The following COL11A2 variants were observed in gnomAD, a reference collection of about 807,000 sequenced individuals.
COL11A2 encodes the protein collagen alpha-2(XI) chain.
In COL11A2, 116 loss-of-function variants were observed where a neutral mutation model predicts 273.4. That is an observed-to-expected ratio of 0.42 (90% CI 0.36 to 0.49). The LOEUF is 0.49. Ranked by LOEUF, COL11A2 falls within the 20% of genes least tolerant of loss-of-function variation. COL11A2 has a pLI of 0.00. For synonymous variants in COL11A2, 782 were observed against 864.2 expected, an observed-to-expected ratio of 0.90 and a Z score of 1.67; for missense variants, 1,866 against 2,309.0, an observed-to-expected ratio of 0.81 and a Z score of 3.93.
At chr6:33,186,327 C>A in intron 5 of COL11A2, 1 of 1,266,478 alleles carries the variant, frequency 7.9e-7, no homozygotes, top group Non-Finnish European at 1.0e-6. Flanking sequence ...AGCTCTCACC[C>A]CTCTCCCACT....
chr6:33,184,458 A>ATGGCTATTCTTGGG, intron 7 of COL11A2, 134 bp from the exon 8 acceptor site: 2 of 567,368 alleles, frequency 3.5e-6, no homozygotes, highest in African/African-American at 2.0e-5. Context: ...TTTTTCTCCC[A>ATGGCTATTCTTGGG]AGAATAGCCA....
intron 1 of COL11A2, among the ~76,000 whole-genome samples, chr6:33,191,302 G>C (rs1444634416): frequency 6.6e-6 from 1 of 152,216 alleles, no homozygotes; most frequent in African/African-American, 2.4e-5. Flanking sequence ...AAGCAGAGAA[G>C]AATTGAATAG....
chr6:33,166,234 G>C lies in COL11A2; in HGVS notation c.4393-28C>G. The C allele has an allele frequency of 6.3e-7, 1 of 1,587,880 alleles. No individual in the cohort carries two copies. Among genetic ancestry groups the C allele is most frequent in the Non-Finnish European group, 8.6e-7 (1 of 1,167,890 alleles). On this transcript the variant is annotated intron_variant, in intron 60 of 65. Coordinates refer to ENST00000341947, the MANE Select transcript of COL11A2 (RefSeq NM_080680.3). This position sits in a 1 kb window ranked among gnomAD's most constrained non-coding sequence, Gnocchi z 4.8. ...GTGAAATGAGGAACAAGAAAGAGAC[G>C]GTCACTGCAGGGGAAGGACAGGACT...
rs759989401 is a variant in COL11A2 at position 33,166,802 on chromosome 6, A to G, written c.4256T>C (p.Ile1419Thr). 14 of 1,613,286 alleles carry G rather than the reference A, an allele frequency of 8.7e-6. No individual in the cohort carries two copies. Among genetic ancestry groups the G allele is most frequent in the African/African-American group, 5.3e-5 (4 of 74,888 alleles). Residue 1419 changes from isoleucine (I) to threonine (T), a missense_variant, in exon 59 of 66, where the codon ATT becomes ACT. Ile to Thr is a moderately conservative substitution (Grantham distance 89, BLOSUM62 -1). Transcript: ENST00000341947. This position sits in a 1 kb window ranked among gnomAD's most constrained non-coding sequence, Gnocchi z 4.8. ...EKGHPGLIGL[I>T]GPPGEQGEKG... Reference sequence around the variant, plus strand: ...CTCTCCCTGCTCACCCGGGGGCCCAATCAGTCCAATGAGACCTGGGTGGCC... The same window carrying G: ...CTCTCCCTGCTCACCCGGGGGCCCAGTCAGTCCAATGAGACCTGGGTGGCC...
Position 33,189,589 on chromosome 6 carries a change from C to T in COL11A2, c.83-120G>A. ...CAAACTCCCTGCAAGGGAAAGGTCACCTCACCCTCACTTGCTTCTGAACAG... is the reference window on the plus strand; with the variant it reads ...CAAACTCCCTGCAAGGGAAAGGTCATCTCACCCTCACTTGCTTCTGAACAG... On this transcript the variant is annotated intron_variant, in intron 1 of 65. Coordinates refer to ENST00000341947, the MANE Select transcript of COL11A2 (RefSeq NM_080680.3). This position sits in a 1 kb window ranked among gnomAD's most constrained non-coding sequence, Gnocchi z 5.6. 1 of 1,285,438 alleles carries T rather than the reference C, an allele frequency of 7.8e-7. No homozygotes were observed. Among genetic ancestry groups the T allele is most frequent in the Non-Finnish European group, 1.1e-6 (1 of 916,758 alleles). 79.6% of individuals were successfully genotyped at this position (1,285,438 alleles called of 1,614,324 possible).
At position 33,167,698 on chromosome 6, in the gene COL11A2, A is replaced by G; in HGVS notation, c.4014+101T>C. On this transcript the variant is annotated intron_variant, in intron 55 of 65. Coordinates refer to ENST00000341947, the MANE Select transcript of COL11A2 (RefSeq NM_080680.3). The surrounding 1 kb of genome is among the most constrained non-coding windows in gnomAD (Gnocchi z 6.1). ...GAACGCCTGTCCCCATAAGGGCCCAACATGGGAGAGGTGGAGATGGGGTGG... is the reference window on the plus strand; with the variant it reads ...GAACGCCTGTCCCCATAAGGGCCCAGCATGGGAGAGGTGGAGATGGGGTGG... 5 of 1,507,464 alleles carry G rather than the reference A, an allele frequency of 3.3e-6. No homozygotes were observed. Among genetic ancestry groups the G allele is most frequent in the Middle Eastern group, 1.8e-4 (1 of 5,630 alleles). 93.4% of individuals were successfully genotyped at this position (1,507,464 alleles called of 1,614,324 possible).
chr6:33,180,643 C>T lies in COL11A2; in HGVS notation c.1284+25G>A, dbSNP rs113362058. 5.0e-6 allele frequency: 8 copies of T among 1,588,288 alleles called. No individual in the cohort carries two copies. The East Asian group carries it at 6.8e-5, about 14-fold the overall frequency. ...ACCACTAGCTCCCCCGAAGCTCCCC[C>T]GTCACATGGAGGACACCCCCTTACC... is the stretch of plus-strand genomic sequence containing the variant. On this transcript the variant is annotated intron_variant, in intron 11 of 65. Transcript: ENST00000341947.
Position 33,176,066 on chromosome 6 carries a change from C to T in COL11A2, c.2218G>A (p.Glu740Lys). 2 of 1,613,066 alleles carry T rather than the reference C, an allele frequency of 1.2e-6. No individual in the cohort carries two copies. The highest frequency in any genetic ancestry group is 1.7e-6 in the Non-Finnish European group (2 of 1,180,032). Residue 740 changes from glutamate to lysine, a missense_variant, in exon 29 of 66, where the codon GAG (glutamate) becomes AAG (lysine). By Grantham distance (56) the Glu-to-Lys change is moderately conservative. Transcript: ENST00000341947. The surrounding 1 kb of genome is among the most constrained non-coding windows in gnomAD (Gnocchi z 4.9). The part of the protein sequence containing the change: ...GLKGHKGEKG[E>K]DGFPGFKGDI... Reference sequence around the variant, plus strand: ...CCTTTGAACCCAGGAAAGCCATCCTCACCCTGAGAAAGATAGAGGTGAGAG... The same window carrying T: ...CCTTTGAACCCAGGAAAGCCATCCTTACCCTGAGAAAGATAGAGGTGAGAG...
In COL11A2 at chr6:33,167,705, A is replaced by G; in HGVS notation, c.4014+94T>C. ...TGTCCCCATAAGGGCCCAACATGGGAGAGGTGGAGATGGGGTGGGCATCTG... is the reference window on the plus strand; with the variant it reads ...TGTCCCCATAAGGGCCCAACATGGGGGAGGTGGAGATGGGGTGGGCATCTG... On this transcript the variant is annotated intron_variant, in intron 55 of 65. Transcript: ENST00000341947. This position sits in a 1 kb window ranked among gnomAD's most constrained non-coding sequence, Gnocchi z 6.1. 1.3e-6 allele frequency: 2 copies of G among 1,509,860 alleles called. No individual in the cohort carries two copies. The highest frequency in any genetic ancestry group is 1.8e-5 in the Admixed American group (1 of 55,382). 93.5% of individuals were successfully genotyped at this position (1,509,860 alleles called of 1,614,324 possible).
chr6:33,187,091 C>T (rs1752496925), intron 4 of COL11A2, among the ~76,000 whole-genome samples: 1 of 152,162 alleles, frequency 6.6e-6, no homozygotes, highest in African/African-American at 2.4e-5. Context: ...AATGACTGCC[C>T]CAAGGTCACC....
chr6:33,173,221 G>A lies in COL11A2; in HGVS notation c.2737-108C>T. ...GGATCACACCAAGCCCTGGGCCCTG[G>A]GTCTGAGCAGCACCAGGGCAGGCTC... On this transcript the variant is annotated intron_variant, in intron 37 of 65. Coordinates refer to ENST00000341947, the MANE Select transcript of COL11A2 (RefSeq NM_080680.3). The surrounding 1 kb of genome is among the most constrained non-coding windows in gnomAD (Gnocchi z 6.3). The A allele has an allele frequency of 6.5e-7, 1 of 1,530,694 alleles. No individual in the cohort carries two copies. Among genetic ancestry groups the A allele is most frequent in the Non-Finnish European group, 8.9e-7 (1 of 1,119,146 alleles). 94.8% of individuals were successfully genotyped at this position (1,530,694 alleles called of 1,614,324 possible). A position where few individuals can be genotyped will look rare whatever the true frequency, so the allele number is the denominator to read the frequency against.
At position 33,169,083 on chromosome 6, in the gene COL11A2, G is replaced by C; in HGVS notation, c.3799-75C>G. The stretch of plus-strand genomic sequence containing the variant: ...CCAGCACAGACGCCCACAGGCACAC[G>C]CCACTGCCTCTCTAGAGGCAGTGCC... On this transcript the variant is annotated intron_variant, in intron 51 of 65. Coordinates refer to ENST00000341947, the MANE Select transcript of COL11A2 (RefSeq NM_080680.3). This position sits in a 1 kb window ranked among gnomAD's most constrained non-coding sequence, Gnocchi z 5.5. 7.0e-7 allele frequency: 1 copy of C among 1,426,656 alleles called. No homozygotes were observed. Among genetic ancestry groups the C allele is most frequent in the South Asian group, 1.3e-5 (1 of 74,588 alleles). The allele number at this position is 1,426,656 out of a possible 1,614,324, so 88.4% of individuals were successfully genotyped here. A position where few individuals can be genotyped will look rare whatever the true frequency, so the allele number is the denominator to read the frequency against.
chr6:33,177,863 G>C lies in COL11A2; in HGVS notation c.1873-157C>G. 1 of 848,050 alleles carries C rather than the reference G, an allele frequency of 1.2e-6. No homozygotes were observed. Among genetic ancestry groups the C allele is most frequent in the Non-Finnish European group, 1.9e-6 (1 of 516,882 alleles). 52.5% of individuals were successfully genotyped at this position (848,050 alleles called of 1,614,324 possible). A position where few individuals can be genotyped will look rare whatever the true frequency, so the allele number is the denominator to read the frequency against. On this transcript the variant is annotated intron_variant, in intron 21 of 65. Transcript: ENST00000341947. The surrounding 1 kb of genome is among the most constrained non-coding windows in gnomAD (Gnocchi z 5.9). ...GCCCAGGCCTGCAGTGTGTGGGACT[G>C]TGGATCTGTGGGCTTGTGGGCTTTG...
intron 5 of COL11A2, 69 bp from the exon 6 acceptor site, chr6:33,185,847 G>C: frequency 3.8e-6 from 2 of 524,260 alleles, no homozygotes; most frequent in Non-Finnish European, 7.6e-6. Context: ...TGAAGGGCGG[G>C]AGAGGGAGAT....
chr6:33,176,626 C>T lies in COL11A2; in HGVS notation c.2115+95G>A, dbSNP rs957804834. Reference sequence around the variant, plus strand: ...ACAGGAATTGAGAATGTGGCAGAGCCATATGAATAATGAGACAAGGGAATC... The same window carrying T: ...ACAGGAATTGAGAATGTGGCAGAGCTATATGAATAATGAGACAAGGGAATC... On this transcript the variant is annotated intron_variant, in intron 26 of 65. Coordinates refer to ENST00000341947, the MANE Select transcript of COL11A2 (RefSeq NM_080680.3). The surrounding 1 kb of genome is among the most constrained non-coding windows in gnomAD (Gnocchi z 4.9). 8 of 1,405,118 alleles carry T rather than the reference C, an allele frequency of 5.7e-6. No homozygotes were observed. In the Admixed American group the frequency reaches 1.1e-4, roughly 20 times the overall value. The allele number at this position is 1,405,118 out of a possible 1,614,324, so 87.0% of individuals were successfully genotyped here. A position where few individuals can be genotyped will look rare whatever the true frequency, so the allele number is the denominator to read the frequency against.
Position 33,189,683 on chromosome 6 carries a change from G to A in COL11A2, c.83-214C>T, listed in dbSNP as rs1772880117. Among the ~76,000 whole-genome samples, 1 of 152,154 alleles carries A rather than the reference G, an allele frequency of 6.6e-6. No individual in the cohort carries two copies. The highest frequency in any genetic ancestry group is 1.9e-4 in the East Asian group (1 of 5,204). ...AGCATCAGCTGGCATTCAACCCCAT[G>A]ACACTCCTGCCCCTGTCTCTCCTAG... On this transcript the variant is annotated intron_variant, in intron 1 of 65. Coordinates refer to ENST00000341947, the MANE Select transcript of COL11A2 (RefSeq NM_080680.3). The surrounding 1 kb of genome is among the most constrained non-coding windows in gnomAD (Gnocchi z 5.6).
chr6:33,176,502 G>A lies in COL11A2; in HGVS notation c.2116-16C>T, dbSNP rs1403200563. On this transcript the variant is annotated splice_polypyrimidine_tract_variant and intron_variant, in intron 26 of 65. Coordinates refer to ENST00000341947, the MANE Select transcript of COL11A2 (RefSeq NM_080680.3). The surrounding 1 kb of genome is among the most constrained non-coding windows in gnomAD (Gnocchi z 4.9). Reference sequence around the variant, plus strand: ...CAGAGGGACCCTGGAAGATAAAAGAGAGGCATTTATAAAGGGGCCTCAGAG... The same window carrying A: ...CAGAGGGACCCTGGAAGATAAAAGAAAGGCATTTATAAAGGGGCCTCAGAG... The A allele has an allele frequency of 9.3e-6, 15 of 1,610,830 alleles. No homozygotes were observed. Among genetic ancestry groups the A allele is most frequent in the Non-Finnish European group, 1.2e-5 (14 of 1,178,308 alleles).
In COL11A2 at chr6:33,169,012, A is replaced by C. The variant is rs1170772773; in HGVS notation, c.3799-4T>G. On this transcript the variant is annotated splice_region_variant and splice_polypyrimidine_tract_variant and intron_variant, in intron 51 of 65. Coordinates refer to ENST00000341947, the MANE Select transcript of COL11A2 (RefSeq NM_080680.3). The surrounding 1 kb of genome is among the most constrained non-coding windows in gnomAD (Gnocchi z 5.5). ...CACCAGGAAAACCAACAGGACCCTGATCCAGATGGAGAATAAGAGTCAGGG... is the reference window on the plus strand; with the variant it reads ...CACCAGGAAAACCAACAGGACCCTGCTCCAGATGGAGAATAAGAGTCAGGG... 3 of 1,605,812 alleles carry C rather than the reference A, an allele frequency of 1.9e-6. No homozygotes were observed. The highest frequency in any genetic ancestry group is 2.5e-6 in the Non-Finnish European group (3 of 1,176,576).
chr6:33,172,462 C>T, intron 39 of COL11A2, 68 bp downstream of exon 39: 2 of 1,570,358 alleles, frequency 1.3e-6, no homozygotes, highest in Non-Finnish European at 1.7e-6. Context: ...AAATCTCCAA[C>T]TACCTGTTCC....
Sources: allele counts gnomAD v4.1 joint callset (sites outside exome capture counted in the v4.1 genomes callset), GRCh38; gene constraint gnomAD v4.1.1; non-coding constraint Gnocchi (gnomAD v3.1); transcripts MANE v1.5; gene names NCBI Gene and HGNC (gene_info 2026-07-23, HGNC 2026-07-21).